CNTNAP5: variants seen among roughly 807,000 people sequenced by gnomAD.
The protein encoded by CNTNAP5 is contactin-associated protein-like 5.
A neutral mutation model predicts 150.2 loss-of-function variants in CNTNAP5; 72 were observed. The ratio of observed to expected loss-of-function variants is 0.48; its 90% CI spans 0.40 to 0.58. CNTNAP5 has a LOEUF of 0.58. CNTNAP5 is among the 20% of genes least tolerant of loss of function. The probability of loss-of-function intolerance (pLI) is 0.00; values close to 1 mark genes in which losing one functional copy is unlikely to be tolerated. For synonymous variants in CNTNAP5, 672 were observed against 619.8 expected (o/e 1.08, Z -1.25); for missense variants, 1,636 against 1,626.2 (o/e 1.01, Z -0.10).
intron 21 of CNTNAP5, among the ~76,000 whole-genome samples, chr2:124,891,167 G>A (rs531169996): frequency 6.6e-6 from 1 of 152,086 alleles, no homozygotes; most frequent in African/African-American, 2.4e-5. Context: ...TCAGTTGCTA[G>A]GTGATATATG....
At chr2:124,905,045 A>G (rs1412604771) in intron 22 of CNTNAP5, among the ~76,000 whole-genome samples, 2 of 148,390 alleles carry the variant, frequency 1.3e-5, no homozygotes, top group Non-Finnish European at 3.0e-5. Context: ...TAGCAAAAAA[A>G]AAAAAAAAAA....
rs919770994 is a variant in CNTNAP5, at chr2:124,143,956, A to G, written c.83-77749A>G. Reference sequence around the variant, plus strand: ...AACTTCAGCAAAGTCTCAGGATACAAAATCAATGTACAAAAATCACAAACA... The same window carrying G: ...AACTTCAGCAAAGTCTCAGGATACAGAATCAATGTACAAAAATCACAAACA... On this transcript the variant is annotated intron_variant, in intron 1 of 23. Coordinates refer to ENST00000682447, the MANE Select transcript of CNTNAP5 (RefSeq NM_001367498.1). Among the ~76,000 whole-genome samples, 154 of 150,700 alleles carry G rather than the reference A, an allele frequency of 1.0e-3. 1 individual carries two copies. The highest frequency in any genetic ancestry group is 3.5e-3 in the African/African-American group (141 of 40,844).
intron 1 of CNTNAP5, among the ~76,000 whole-genome samples, chr2:124,079,248 A>T (rs758883977): frequency 2.0e-5 from 3 of 152,242 alleles, no homozygotes; most frequent in Non-Finnish European, 4.4e-5. Flanking sequence ...GCACTCAGCC[A>T]GTAATTGGCA....
chr2:124,227,688 T>C (rs902257958), intron 2 of CNTNAP5, among the ~76,000 whole-genome samples: 1 of 142,854 alleles, frequency 7.0e-6, no homozygotes, highest in Non-Finnish European at 1.5e-5. Flanking sequence ...GTATTAAACT[T>C]ATTAAGGCAG....
At chr2:124,240,671 G>GA (rs1404324756) in intron 2 of CNTNAP5, among the ~76,000 whole-genome samples, 1 of 149,846 alleles carries the variant, frequency 6.7e-6, no homozygotes, top group Non-Finnish European at 1.5e-5. Flanking sequence ...AAAAAAAAAA[G>GA]AAAAAAATCA....
rs1287324525 is a variant in CNTNAP5, at chr2:124,194,384, TATATATATATATATATATATATATATAA to T, written c.83-27315_83-27288del. Among the ~76,000 whole-genome samples, 27 of 7,710 alleles carry T rather than the reference TATATATATATATATATATATATATATAA, an allele frequency of 3.5e-3. 1 individual carries two copies. Among genetic ancestry groups the T allele is most frequent in the South Asian group, 9.3e-3 (1 of 108 alleles). 5.1% of individuals were successfully genotyped at this position (7,710 alleles called of 152,430 possible). A position where few individuals can be genotyped will look rare whatever the true frequency, so the allele number is the denominator to read the frequency against. On this transcript the variant is annotated intron_variant, in intron 1 of 23. Coordinates refer to ENST00000682447, the MANE Select transcript of CNTNAP5 (RefSeq NM_001367498.1). ...ATTAGGTCATATATATATATATATA[TATATATATATATATATATATATATATAA>T]ATATAAATAGGTGTGCTGTATGTTC...
intron 13 of CNTNAP5, among the ~76,000 whole-genome samples, chr2:124,735,500 A>C (rs1408106082): frequency 2.6e-5 from 4 of 152,164 alleles, no homozygotes; most frequent in Non-Finnish European, 5.9e-5. Flanking sequence ...AGTTGGAAAG[A>C]CAATATATTT....
At chr2:124,853,992 T>G (rs540490841) in intron 19 of CNTNAP5, among the ~76,000 whole-genome samples, 145 of 152,310 alleles carry the variant, frequency 9.5e-4, no homozygotes, top group African/African-American at 3.3e-3. Flanking sequence ...ATGATCTCAT[T>G]CTTTTTTATG....
intron 3 of CNTNAP5, among the ~76,000 whole-genome samples, chr2:124,370,272 T>C (rs1261734500): frequency 6.6e-6 from 1 of 152,096 alleles, no homozygotes; most frequent in Non-Finnish European, 1.5e-5. Flanking sequence ...TTGTGCTTTT[T>C]GGAAAACGAA....
chr2:124,555,166 T>G (rs1245184434), intron 10 of CNTNAP5, among the ~76,000 whole-genome samples: 1 of 152,236 alleles, frequency 6.6e-6, no homozygotes, highest in Non-Finnish European at 1.5e-5. Flanking sequence ...CAGAAGTTTC[T>G]GTCCAGGACC....
chr2:124,243,150 T>G (rs1686928584), intron 3 of CNTNAP5, among the ~76,000 whole-genome samples: 1 of 152,174 alleles, frequency 6.6e-6, no homozygotes, highest in African/African-American at 2.4e-5. Context: ...GGAGGTAGCT[T>G]CAGAACCTCA....
intron 19 of CNTNAP5, among the ~76,000 whole-genome samples, chr2:124,801,161 T>C (rs1291421243): frequency 1.3e-5 from 2 of 152,180 alleles, no homozygotes; most frequent in African/African-American, 4.8e-5. Context: ...AACTAAGATA[T>C]GTGCTCAATC....
rs183177530 is a variant in CNTNAP5 at position 124,573,467 on chromosome 2, A to G, written c.1756+10144A>G. Among the ~76,000 whole-genome samples, 28 of 152,360 alleles carry G rather than the reference A, an allele frequency of 1.8e-4. No homozygotes were observed. In the East Asian group the frequency reaches 4.8e-3, roughly 26 times the overall value. Reference sequence around the variant, plus strand: ...TTGATAAAGAGCAAGAAATGTAATCACAAGTTTTAGCTTTGTTCCAAACCC... The same window carrying G: ...TTGATAAAGAGCAAGAAATGTAATCGCAAGTTTTAGCTTTGTTCCAAACCC... On this transcript the variant is annotated intron_variant, in intron 11 of 23. Coordinates refer to ENST00000682447, the MANE Select transcript of CNTNAP5 (RefSeq NM_001367498.1).
At chr2:124,219,622 T>C (rs1686250790) in intron 1 of CNTNAP5, among the ~76,000 whole-genome samples, 2 of 152,124 alleles carry the variant, frequency 1.3e-5, no homozygotes, top group Non-Finnish European at 1.5e-5. Flanking sequence ...TTTGTATTTT[T>C]CTATGGGGCT....
At chr2:124,363,861 A>G (rs181401346) in intron 3 of CNTNAP5, among the ~76,000 whole-genome samples, 4 of 152,328 alleles carry the variant, frequency 2.6e-5, no homozygotes, top group African/African-American at 9.6e-5. Flanking sequence ...TGTAGCAATT[A>G]TATCTTAATA....
chr2:124,510,518 T>TATATACACAC (rs10641959), intron 8 of CNTNAP5, among the ~76,000 whole-genome samples: 7 of 124,904 alleles, frequency 5.6e-5, no homozygotes, highest in African/African-American at 1.9e-4. Context: ...TATATATATA[T>TATATACACAC]ACATATATCT....
intron 3 of CNTNAP5, among the ~76,000 whole-genome samples, chr2:124,304,315 A>T (rs1688629361): frequency 2.0e-5 from 3 of 152,156 alleles, no homozygotes; most frequent in African/African-American, 7.2e-5. Context: ...ACCAAGAAAC[A>T]CTTCTGTGAA....
chr2:124,348,670 G>A (rs1488078135), intron 3 of CNTNAP5, among the ~76,000 whole-genome samples: 3 of 152,192 alleles, frequency 2.0e-5, no homozygotes, highest in East Asian at 1.9e-4. Flanking sequence ...GCACATAACC[G>A]AAGGAAGATA....
chr2:124,903,596 A>G (rs1168184798), intron 22 of CNTNAP5, among the ~76,000 whole-genome samples: 1 of 152,228 alleles, frequency 6.6e-6, no homozygotes, highest in African/African-American at 2.4e-5. Context: ...TTGTGTAATT[A>G]CTATCACAAT....
Sources: gnomAD v4.1 joint callset for allele counts (sites outside exome capture counted in the v4.1 genomes callset) on GRCh38, gnomAD v4.1.1 for gene constraint, MANE v1.5 for transcripts, NCBI Gene and HGNC (gene_info 2026-07-23, HGNC 2026-07-21) for gene names.